EHF: variants seen among roughly 807,000 people sequenced by gnomAD.
EHF encodes the protein ESE3 transcription factor.
In EHF, 14 loss-of-function variants were observed where a neutral mutation model predicts 45.1. The observed-to-expected ratio is 0.31, with a 90% CI of 0.21 to 0.49. The LOEUF (loss-of-function observed/expected upper bound fraction) is 0.49, where lower values mean the gene tolerates loss of function less well. EHF is among the 20% of genes least tolerant of loss of function. The probability of loss-of-function intolerance (pLI) is 0.99; values close to 1 mark genes in which losing one functional copy is unlikely to be tolerated. For missense variants in EHF, 282 were observed against 371.4 expected (o/e 0.76, Z 1.98); for synonymous variants, 136 against 131.8 (o/e 1.03, Z -0.22).
Position 34,642,717 on chromosome 11 carries a change from C to A in EHF, c.87C>A (p.Ser29=). 2 of 1,613,758 alleles carry A rather than the reference C, an allele frequency of 1.2e-6. No individual in the cohort carries two copies. Among genetic ancestry groups the A allele is most frequent in the Non-Finnish European group, 1.7e-6 (2 of 1,179,724 alleles). Reference sequence around the variant, plus strand: ...CGCCAGCCTGGACAGACAGCTACTCCACGTGCAATGGTAAGAGGGCCTGTG... The same window carrying A: ...CGCCAGCCTGGACAGACAGCTACTCAACGTGCAATGGTAAGAGGGCCTGTG... The part of the protein sequence containing the change: ...HQPPAWTDSY[S]TCNVSSGFFG... The change falls in exon 2 of 9, where the codon TCC becomes TCA. Residue 29 remains serine, a synonymous_variant. Coordinates refer to ENST00000257831, the MANE Select transcript of EHF (RefSeq NM_012153.6).
chr11:34,647,088 C>G (rs1176985228), intron 3 of EHF, among the ~76,000 whole-genome samples: 2 of 149,898 alleles, frequency 1.3e-5, no homozygotes, highest in Non-Finnish European at 1.5e-5. Context: ...AACAAAACCC[C>G]CCCCACACAC....
At chr11:34,651,842 A>C (rs1855202594) in intron 6 of EHF, 37 bp downstream of exon 6, 8 of 1,576,320 alleles carry the variant, frequency 5.1e-6, no homozygotes, top group Non-Finnish European at 6.9e-6. Flanking sequence ...GGTATGCCTA[A>C]TGCTTAGGGA....
chr11:34,639,466 C>T (rs1853770208), intron 1 of EHF, among the ~76,000 whole-genome samples: 1 of 152,128 alleles, frequency 6.6e-6, no homozygotes, highest in Non-Finnish European at 1.5e-5. Flanking sequence ...GATCTCATTC[C>T]ATCTCAACAG....
chr11:34,623,613 C>T (rs890459753), intron 1 of EHF, among the ~76,000 whole-genome samples: 1 of 152,166 alleles, frequency 6.6e-6, no homozygotes, highest in Non-Finnish European at 1.5e-5. Flanking sequence ...AAAAGGTTTA[C>T]TAGGTTGCAT....
chr11:34,624,825 C>A (rs114023237), intron 1 of EHF, among the ~76,000 whole-genome samples: 1 of 152,140 alleles, frequency 6.6e-6, no homozygotes, highest in Non-Finnish European at 1.5e-5. Flanking sequence ...GTGATGGGAG[C>A]ACAGTGCAGG....
chr11:34,661,510 T>C lies in EHF; in HGVS notation c.*2579T>C, dbSNP rs1417644844. ...TCTACAGATAATTAGTGGATTGTGT[T>C]GTTTGTTGAGAGTGAAGGTTTCTTG... On this transcript the variant is annotated 3_prime_UTR_variant, in exon 9 of 9. Transcript: ENST00000257831. Among the ~76,000 whole-genome samples the C allele has an allele frequency of 1.3e-5, 2 of 152,152 alleles. No homozygotes were observed. Among genetic ancestry groups the C allele is most frequent in the Non-Finnish European group, 2.9e-5 (2 of 68,004 alleles).
chr11:34,635,526 A>G (rs1853312599), intron 1 of EHF, among the ~76,000 whole-genome samples: 1 of 139,436 alleles, frequency 7.2e-6, no homozygotes, highest in African/African-American at 2.7e-5. Context: ...ATCTCAGCTC[A>G]CTGCAACCTC....
At chr11:34,633,546 C>T (rs965934483) in intron 1 of EHF, among the ~76,000 whole-genome samples, 1 of 152,088 alleles carries the variant, frequency 6.6e-6, no homozygotes, top group African/African-American at 2.4e-5. Context: ...TTGACTCTAA[C>T]AACATGGGGG....
intron 7 of EHF, 24 bp downstream of exon 7, chr11:34,656,994 G>T: frequency 6.2e-7 from 1 of 1,612,550 alleles, no homozygotes; most frequent in Non-Finnish European, 8.5e-7. Flanking sequence ...CTTTCAGATG[G>T]CCTTTGGTCC....
chr11:34,651,711 T>C, intron 5 of EHF, 26 bp from the exon 6 acceptor site: 1 of 1,613,718 alleles, frequency 6.2e-7, no homozygotes, highest in African/African-American at 1.3e-5. Flanking sequence ...GTGCTCTAAA[T>C]GTCCTTTATC....
intron 6 of EHF, among the ~76,000 whole-genome samples, 182 bp downstream of exon 6, chr11:34,651,987 C>T (rs1191492540): frequency 2.0e-5 from 3 of 152,118 alleles, no homozygotes; most frequent in African/African-American, 4.8e-5. Flanking sequence ...GAAGATGACC[C>T]GTAGGGATCC....
At chr11:34,630,733 G>A (rs759963922) in intron 1 of EHF, among the ~76,000 whole-genome samples, 25 of 151,996 alleles carry the variant, frequency 1.6e-4, no homozygotes, top group Non-Finnish European at 3.4e-4. Flanking sequence ...TCTGCTGCCC[G>A]ATTTGGTTCT....
intron 6 of EHF, among the ~76,000 whole-genome samples, chr11:34,652,259 T>C (rs934368947): frequency 4.6e-5 from 7 of 152,206 alleles, no homozygotes; most frequent in East Asian, 1.9e-4. Context: ...GGGGTAGCCA[T>C]TGGAAACTTC....
intron 1 of EHF, among the ~76,000 whole-genome samples, chr11:34,633,797 T>C (rs1330673663): frequency 6.6e-6 from 1 of 152,188 alleles, no homozygotes. Flanking sequence ...TTAGGCAAGC[T>C]TGTCTTTTGA....
At chr11:34,642,301 G>A (rs2281912) in intron 1 of EHF, 20,055 of 161,178 alleles carry the variant, frequency 0.12, 1,457 homozygotes, top group East Asian at 0.26. Flanking sequence ...AAAAAAAAAA[G>A]AAAAAAAAAA....
chr11:34,643,880 G>A (rs1269476619), intron 2 of EHF, among the ~76,000 whole-genome samples: 1 of 152,222 alleles, frequency 6.6e-6, no homozygotes, highest in East Asian at 1.9e-4. Context: ...CTGGGGAAAT[G>A]TGTTCAGCAG....
At chr11:34,643,873 G>A (rs1021616888) in intron 2 of EHF, among the ~76,000 whole-genome samples, 1 of 152,192 alleles carries the variant, frequency 6.6e-6, no homozygotes, top group Admixed American at 6.5e-5. Flanking sequence ...GAGAAAGCTG[G>A]GGAAATGTGT....
chr11:34,652,020 T>C (rs1855221242), intron 6 of EHF, among the ~76,000 whole-genome samples: 1 of 152,226 alleles, frequency 6.6e-6, no homozygotes, highest in Non-Finnish European at 1.5e-5. Flanking sequence ...GTTGGTCTCC[T>C]ACGAAACTAG....
intron 1 of EHF, chr11:34,622,325 C>G (rs879326012): frequency 4.0e-5 from 37 of 931,968 alleles, no homozygotes; most frequent in African/African-American, 6.8e-5. Flanking sequence ...GTTATCTGCA[C>G]TCACCTTGGT....
Sources: gnomAD v4.1 joint callset for allele counts (sites outside exome capture counted in the v4.1 genomes callset) on GRCh38, gnomAD v4.1.1 for gene constraint, MANE v1.5 for transcripts, NCBI Gene and HGNC (gene_info 2026-07-23, HGNC 2026-07-21) for gene names.